ARFGEF2: variants seen among roughly 807,000 people sequenced by gnomAD.
The protein encoded by ARFGEF2 is brefeldin A-inhibited guanine nucleotide-exchange protein 2.
In ARFGEF2, 74 loss-of-function variants were observed where a neutral mutation model predicts 219.9. The ratio of observed to expected loss-of-function variants is 0.34; its 90% CI spans 0.28 to 0.41. The LOEUF (loss-of-function observed/expected upper bound fraction) is 0.41. Among genes scored for constraint, ARFGEF2 ranks in the 10% least tolerant of loss-of-function variants. The pLI is 1.00. For synonymous variants in ARFGEF2, 733 were observed against 799.2 expected (o/e 0.92, Z 1.40); for missense variants, 1,743 against 2,218.3 (o/e 0.79, Z 4.30).
intron 28 of ARFGEF2, among the ~76,000 whole-genome samples, chr20:49,012,750 C>T (rs1336962599): frequency 6.6e-6 from 1 of 152,140 alleles, no homozygotes; most frequent in Non-Finnish European, 1.5e-5. Flanking sequence ...GCACTTAGTA[C>T]TTGTTGGGCA....
intron 33 of ARFGEF2, among the ~76,000 whole-genome samples, chr20:49,017,784 C>T (rs991346380): frequency 3.3e-5 from 5 of 152,186 alleles, no homozygotes; most frequent in South Asian, 2.1e-4. Context: ...TTTGTGTGAC[C>T]GTGCATGCCT....
chr20:49,023,777 A>T (rs2123559513), intron 35 of ARFGEF2, among the ~76,000 whole-genome samples: 1 of 151,952 alleles, frequency 6.6e-6, no homozygotes, highest in South Asian at 2.1e-4. Context: ...TGACCTCGTG[A>T]TCCGCCCGCC....
intron 1 of ARFGEF2, among the ~76,000 whole-genome samples, chr20:48,937,411 T>A (rs1485699632): frequency 6.6e-6 from 1 of 152,178 alleles, no homozygotes; most frequent in Non-Finnish European, 1.5e-5. Flanking sequence ...TCTTTCTTTA[T>A]TTCTTTTTTA....
chr20:48,961,670 C>T (rs1177442709), intron 6 of ARFGEF2, among the ~76,000 whole-genome samples: 2 of 152,034 alleles, frequency 1.3e-5, no homozygotes, highest in East Asian at 1.9e-4. Flanking sequence ...TTGAGGCCAG[C>T]CTGGCCAACA....
At chr20:48,971,714 AC>A (rs1446556292) in intron 10 of ARFGEF2, among the ~76,000 whole-genome samples, 2 of 152,146 alleles carry the variant, frequency 1.3e-5, no homozygotes, top group African/African-American at 4.8e-5. Flanking sequence ...ATCCTGGCTA[AC>A]ATGGTGAAAC....
intron 1 of ARFGEF2, among the ~76,000 whole-genome samples, chr20:48,937,748 C>T (rs981054342): frequency 6.6e-6 from 1 of 152,228 alleles, no homozygotes; most frequent in African/African-American, 2.4e-5. Context: ...CTGCTCTCTT[C>T]GGTCCCTGTG....
chr20:48,965,752 C>T, intron 7 of ARFGEF2, 120 bp from the exon 8 acceptor site: 2 of 1,221,754 alleles, frequency 1.6e-6, no homozygotes, highest in African/African-American at 3.0e-5. Context: ...GCTGGTGGCA[C>T]AGGAAAAGGG....
Position 48,942,258 on chromosome 20 carries a change from T to C in ARFGEF2, c.276+271T>C, listed in dbSNP as rs116377265. On this transcript the variant is annotated intron_variant, in intron 3 of 38. Coordinates refer to ENST00000371917, the MANE Select transcript of ARFGEF2 (RefSeq NM_006420.3). ...GTTTTTCTAAATGAAACCTTTAGCA[T>C]TAATTGGAATATTTGACACACATGG... is the stretch of plus-strand genomic sequence containing the variant. Among the ~76,000 whole-genome samples, 205 of 152,328 alleles carry C rather than the reference T, an allele frequency of 1.3e-3. 1 individual carries two copies. Among genetic ancestry groups the C allele is most frequent in the African/African-American group, 4.8e-3 (199 of 41,572 alleles).
In ARFGEF2 at chr20:48,953,708, C is replaced by T. The variant is rs114729625; in HGVS notation, c.756C>T (p.Asn252=). The T allele has an allele frequency of 7.0e-5, 113 of 1,614,158 alleles. 1 individual carries two copies. The African/African-American group carries it at 9.5e-4, about 14-fold the overall frequency. ...PTTPEKTDLT[N]GEHARSDSGK... is the part of the protein sequence containing the mutation. ...CTCCCGAAAAAACAGATTTAACCAA[C>T]GGTGAACATGCCAGGAGTGATTCTG... is the stretch of plus-strand genomic sequence containing the variant. The change falls in exon 6 of 39, where the codon AAC becomes AAT. Residue 252 remains asparagine, a synonymous_variant. Transcript: ENST00000371917.
intron 25 of ARFGEF2, among the ~76,000 whole-genome samples, chr20:49,001,776 G>A (rs921932575): frequency 3.9e-5 from 6 of 151,988 alleles, no homozygotes; most frequent in Non-Finnish European, 8.8e-5. Context: ...TTGTATTCAT[G>A]TGCATATGTA....
At chr20:48,990,865 A>T (rs2091353582) in intron 20 of ARFGEF2, among the ~76,000 whole-genome samples, 175 bp from the exon 21 acceptor site, 1 of 152,238 alleles carries the variant, frequency 6.6e-6, no homozygotes, top group South Asian at 2.1e-4. Flanking sequence ...CCTCTGCAAG[A>T]TGTTCCAAAA....
chr20:48,951,812 G>C (rs1371151263), intron 4 of ARFGEF2, among the ~76,000 whole-genome samples: 1 of 152,106 alleles, frequency 6.6e-6, no homozygotes, highest in Non-Finnish European at 1.5e-5. Flanking sequence ...ACTTGCCTCT[G>C]TCCTACTTCC....
intron 1 of ARFGEF2, among the ~76,000 whole-genome samples, chr20:48,936,319 C>T (rs1203698567): frequency 6.6e-6 from 1 of 150,400 alleles, no homozygotes; most frequent in African/African-American, 2.5e-5. Context: ...CACCTCCCTC[C>T]CGGACGGGGC....
intron 20 of ARFGEF2, among the ~76,000 whole-genome samples, chr20:48,989,922 G>A (rs191479670): frequency 6.6e-6 from 1 of 152,214 alleles, no homozygotes; most frequent in Non-Finnish European, 1.5e-5. Context: ...GCTCACGCCT[G>A]TAATCCCAGC....
Position 48,976,161 on chromosome 20 carries a change from C to G in ARFGEF2, c.1920C>G (p.Ile640Met). The change falls in exon 14 of 39, where the codon ATC becomes ATG. Residue 640 changes from isoleucine (I) to methionine (M), a missense_variant. Physicochemically the swap from Ile to Met is conservative, Grantham distance 10 (BLOSUM62 1). Coordinates refer to ENST00000371917, the MANE Select transcript of ARFGEF2 (RefSeq NM_006420.3). ...ATGACCCTGAGCAATTTGAGGTCAT[C>G]AAGCAACAAAAAGAAATCATTGAAC... ...VQDDPEQFEVIKQQKEIIEHG... is the reference protein window; with the variant it reads ...VQDDPEQFEVMKQQKEIIEHG... 6.2e-7 allele frequency: 1 copy of G among 1,614,080 alleles called. No homozygotes were observed. The highest frequency in any genetic ancestry group is 8.5e-7 in the Non-Finnish European group (1 of 1,180,040).
chr20:48,941,169 C>A (rs2090990912), intron 1 of ARFGEF2, 30 bp from the exon 2 acceptor site: 2 of 1,606,744 alleles, frequency 1.2e-6, no homozygotes, highest in Admixed American at 3.4e-5. Context: ...TTGCATTTTC[C>A]TAATGTGTTT....
At chr20:48,934,053 G>A (rs1358368832) in intron 1 of ARFGEF2, among the ~76,000 whole-genome samples, 11 of 150,654 alleles carry the variant, frequency 7.3e-5, no homozygotes, top group Non-Finnish European at 1.6e-4. Flanking sequence ...CCAGGAGGCG[G>A]AGGTTGCAGT....
chr20:48,945,734 C>T (rs539540318), intron 3 of ARFGEF2, among the ~76,000 whole-genome samples: 2 of 152,262 alleles, frequency 1.3e-5, no homozygotes, highest in South Asian at 4.1e-4. Context: ...CCATGTGGTG[C>T]ACACCTTTAG....
intron 5 of ARFGEF2, among the ~76,000 whole-genome samples, chr20:48,953,166 T>TTTC (rs1568700926): frequency 5.5e-5 from 8 of 146,496 alleles, no homozygotes; most frequent in South Asian, 2.1e-4. Context: ...TTCTTTCTTT[T>TTTC]TTTTTTTTTC....
Sources: allele counts gnomAD v4.1 joint callset (sites outside exome capture counted in the v4.1 genomes callset), GRCh38; gene constraint gnomAD v4.1.1; transcripts MANE v1.5; gene names NCBI Gene and HGNC (gene_info 2026-07-23, HGNC 2026-07-21).